The following ICE2 variants were observed in gnomAD, a reference collection of about 807,000 sequenced individuals.
ICE2 encodes the protein little elongation complex subunit 2.
In ICE2, 87 loss-of-function variants were observed where a neutral mutation model predicts 105.4. The ratio of observed to expected loss-of-function variants is 0.83; its 90% confidence interval spans 0.69 to 0.99. The LOEUF is 0.99. Ranked by LOEUF, ICE2 falls within the 50% of genes least tolerant of loss-of-function variation. The probability of loss-of-function intolerance (pLI) is 0.00; values close to 1 mark genes in which losing one functional copy is unlikely to be tolerated. For synonymous variants in ICE2, 399 were observed against 392.0 expected, an observed-to-expected ratio of 1.02 and a Z score of -0.21; for missense variants, 1,323 against 1,146.7, an observed-to-expected ratio of 1.15 and a Z score of -2.22.
chr15:60,434,548 C>T (rs1463348488), intron 13 of ICE2, among the ~76,000 whole-genome samples: 1 of 83,598 alleles, frequency 1.2e-5, no homozygotes, highest in Non-Finnish European at 2.8e-5. Context: ...CACACACACA[C>T]ACACACACAC....
intron 11 of ICE2, chr15:60,445,537 A>C: frequency 3.1e-6 from 3 of 953,146 alleles, no homozygotes; most frequent in Non-Finnish European, 3.7e-6. Flanking sequence ...TTTTATTCTG[A>C]GTTTGACACA....
Position 60,456,641 on chromosome 15 carries a change from T to C in ICE2, c.666+16A>G. ...CAGACAAAAAAAAGCTTATATCGTCTGATAATAAACCTTACCAATGCGAGA... is the reference window on the plus strand; with the variant it reads ...CAGACAAAAAAAAGCTTATATCGTCCGATAATAAACCTTACCAATGCGAGA... On this transcript the variant is annotated intron_variant, in intron 6 of 15. Coordinates refer to ENST00000261520, the MANE Select transcript of ICE2 (RefSeq NM_024611.6). 6.5e-7 allele frequency: 1 copy of C among 1,533,532 alleles called. No individual in the cohort carries two copies. Among genetic ancestry groups the C allele is most frequent in the Non-Finnish European group, 8.8e-7 (1 of 1,136,706 alleles). The allele number at this position is 1,533,532 out of a possible 1,614,324, so 95.0% of individuals were successfully genotyped here.
chr15:60,472,737 C>T (rs1376816698), intron 3 of ICE2, among the ~76,000 whole-genome samples: 4 of 152,048 alleles, frequency 2.6e-5, no homozygotes, highest in East Asian at 1.9e-4. Flanking sequence ...CCTATAATCC[C>T]GTCTATTCAG....
chr15:60,478,224 G>A (rs2064822922), intron 1 of ICE2, among the ~76,000 whole-genome samples, 155 bp from the exon 2 acceptor site: 1 of 152,200 alleles, frequency 6.6e-6, no homozygotes, highest in Non-Finnish European at 1.5e-5. Flanking sequence ...TAGCAGAGCA[G>A]CAATGACGAT....
chr15:60,427,809 G>C (rs1338031879), intron 15 of ICE2, among the ~76,000 whole-genome samples: 1 of 152,170 alleles, frequency 6.6e-6, no homozygotes, highest in African/African-American at 2.4e-5. Flanking sequence ...CTCTAGCTAT[G>C]GGTTTATAAG....
rs528423662 is a variant in ICE2, at chr15:60,442,235, G to A, written c.2425+181C>T. ...TTGAGGCCAGGAGTTTGAGGTTACA[G>A]TGAGCTATGATCACATGACTATACT... On this transcript the variant is annotated intron_variant, in intron 12 of 15. Transcript: ENST00000261520. The A allele has an allele frequency of 9.9e-6, 5 of 503,190 alleles. No individual in the cohort carries two copies. The East Asian group carries it at 2.0e-4, about 21-fold the overall frequency. 31.2% of individuals were successfully genotyped at this position (503,190 alleles called of 1,614,324 possible).
intron 5 of ICE2, among the ~76,000 whole-genome samples, chr15:60,460,620 C>T (rs1241705184): frequency 1.3e-5 from 2 of 152,102 alleles, no homozygotes; most frequent in Non-Finnish European, 2.9e-5. Flanking sequence ...CGTTTTGGAC[C>T]ACATAATTCT....
intron 1 of ICE2, 116 bp from the exon 2 acceptor site, chr15:60,478,185 A>G (rs1294397033): frequency 1.7e-6 from 1 of 588,440 alleles, no homozygotes; most frequent in African/African-American, 1.9e-5. Context: ...GGCACCTAAA[A>G]CAGAATACAG....
chr15:60,436,137 T>C lies in ICE2; in HGVS notation c.2510+6A>G. On this transcript the variant is annotated splice_donor_region_variant and intron_variant, in intron 13 of 15. Transcript: ENST00000261520. ...TCAATTCTCACCACAAAGTAAACTTTCTTACTTGAGTGCTGAAAGCTTTTC... is the reference window on the plus strand; with the variant it reads ...TCAATTCTCACCACAAAGTAAACTTCCTTACTTGAGTGCTGAAAGCTTTTC... 1 of 1,294,500 alleles carries C rather than the reference T, an allele frequency of 7.7e-7. No individual in the cohort carries two copies. The highest frequency in any genetic ancestry group is 1.1e-6 in the Non-Finnish European group (1 of 942,108). 80.2% of individuals were successfully genotyped at this position (1,294,500 alleles called of 1,614,324 possible).
chr15:60,450,037 T>C (rs778317302), intron 9 of ICE2, among the ~76,000 whole-genome samples, 196 bp from the exon 10 acceptor site: 10 of 152,308 alleles, frequency 6.6e-5, no homozygotes, highest in East Asian at 3.9e-4. Flanking sequence ...CCCACTGATA[T>C]GTTCATGATA....
At chr15:60,477,530 G>C (rs2064798065) in intron 2 of ICE2, among the ~76,000 whole-genome samples, 2 of 152,132 alleles carry the variant, frequency 1.3e-5, no homozygotes, top group South Asian at 4.1e-4. Context: ...TTAAAATACA[G>C]TCTATGCATT....
In ICE2 at chr15:60,450,578, T is replaced by C. The variant is rs560200660; in HGVS notation, c.1126-737A>G. 3.1e-3 allele frequency among the ~76,000 whole-genome samples: 478 copies of C among 152,286 alleles called. 4 individuals carry two copies. Among genetic ancestry groups the C allele is most frequent in the African/African-American group, 0.011 (460 of 41,558 alleles). On this transcript the variant is annotated intron_variant, in intron 9 of 15. Transcript: ENST00000261520. The stretch of plus-strand genomic sequence containing the variant: ...ATCTGACAGAGCACTTTAAATACCA[T>C]AGAAATTTCATAACTGGTTATGTAC...
Position 60,449,174 on chromosome 15 carries a change from T to G in ICE2, c.1793A>C (p.Asn598Thr). The change falls in exon 10 of 16, where the codon AAC (asparagine) becomes ACC (threonine). Residue 598 changes from asparagine (N) to threonine (T), a missense_variant. By Grantham distance (65) the Asn-to-Thr change is moderately conservative. Coordinates refer to ENST00000261520, the MANE Select transcript of ICE2 (RefSeq NM_024611.6). ...TGGACTAGCTGGTCTGGAACTTAAGTTAGAACCCACAACAGCTGTCTTTCC... is the reference window on the plus strand; with the variant it reads ...TGGACTAGCTGGTCTGGAACTTAAGGTAGAACCCACAACAGCTGTCTTTCC... The part of the protein sequence containing the change: ...SDGKTAVVGS[N>T]LSSRPASPNS... The G allele has an allele frequency of 6.2e-7, 1 of 1,614,146 alleles. No individual in the cohort carries two copies. The highest frequency in any genetic ancestry group is 8.5e-7 in the Non-Finnish European group (1 of 1,179,970).
Position 60,423,401 on chromosome 15 carries a change from T to A in ICE2, c.*233A>T, listed in dbSNP as rs557459456. On this transcript the variant is annotated 3_prime_UTR_variant, in exon 16 of 16. Transcript: ENST00000261520. ...TATTTTTCTTCTTTATATATTTCCCTGCCATGATAATGTTAAAACATATCA... is the reference window on the plus strand; with the variant it reads ...TATTTTTCTTCTTTATATATTTCCCAGCCATGATAATGTTAAAACATATCA... The A allele has an allele frequency of 3.2e-6, 1 of 316,290 alleles. No homozygotes were observed. Among genetic ancestry groups the A allele is most frequent in the South Asian group, 8.0e-5 (1 of 12,578 alleles). 19.6% of individuals were successfully genotyped at this position (316,290 alleles called of 1,614,324 possible).
chr15:60,449,757 C>T lies in ICE2; in HGVS notation c.1210G>A (p.Glu404Lys), dbSNP rs1169992176. ...LDFDDDVTEL[E>K]TFGVTTTKVS... ...TTGGTGGTGGTTACTCCAAAAGTTT[C>T]AAGTTCTGTGACATCATCATCAAAA... is the stretch of plus-strand genomic sequence containing the variant. The change falls in exon 10 of 16, where the codon GAA (glutamate) becomes AAA (lysine). Residue 404 changes from glutamate to lysine, a missense_variant. Glu to Lys is a moderately conservative substitution (Grantham distance 56). Transcript: ENST00000261520. 1 of 1,614,132 alleles carries T rather than the reference C, an allele frequency of 6.2e-7. No individual in the cohort carries two copies. The highest frequency in any genetic ancestry group is 8.5e-7 in the Non-Finnish European group (1 of 1,180,012).
At chr15:60,428,124 C>A (rs910776136) in intron 15 of ICE2, among the ~76,000 whole-genome samples, 1 of 152,168 alleles carries the variant, frequency 6.6e-6, no homozygotes, top group African/African-American at 2.4e-5. Flanking sequence ...AAAAACCCCA[C>A]AACTTTGCTT....
intron 15 of ICE2, among the ~76,000 whole-genome samples, chr15:60,426,748 T>C (rs959680955): frequency 6.6e-6 from 1 of 152,232 alleles, no homozygotes; most frequent in African/African-American, 2.4e-5. Context: ...ATTAAACTGT[T>C]CATTTTCACT....
At chr15:60,472,813 C>A (rs1000512542) in intron 3 of ICE2, among the ~76,000 whole-genome samples, 2 of 152,100 alleles carry the variant, frequency 1.3e-5, no homozygotes, top group African/African-American at 2.4e-5. Flanking sequence ...CATGGCAAGA[C>A]ACCAACTCTA....
chr15:60,453,255 G>GA, intron 9 of ICE2: 1 of 1,024,734 alleles, frequency 9.8e-7, no homozygotes, highest in African/African-American at 1.7e-5. Flanking sequence ...TCTTGAATAT[G>GA]AATGAGACCA....
Sources: gnomAD v4.1 joint callset for allele counts (sites outside exome capture counted in the v4.1 genomes callset) on GRCh38, gnomAD v4.1.1 for gene constraint, MANE v1.5 for transcripts, NCBI Gene and HGNC (gene_info 2026-07-23, HGNC 2026-07-21) for gene names.